The following OPN3 variants were observed in gnomAD, a reference collection of about 807,000 sequenced individuals.
The protein encoded by OPN3 is opsin 3, also known as opsin-3.
A neutral mutation model predicts 33.8 loss-of-function variants in OPN3; 29 were observed. The ratio of observed to expected loss-of-function variants is 0.86; its 90% CI spans 0.64 to 1.17. The LOEUF (loss-of-function observed/expected upper bound fraction) is 1.17, where lower values mean the gene tolerates loss of function less well. Ranked by LOEUF, OPN3 falls within the 50% of genes most tolerant of loss-of-function variation. OPN3 has a pLI of 0.00. For synonymous variants in OPN3, 216 were observed against 216.1 expected (o/e 1.00, Z 0.00); for missense variants, 437 against 514.1 (o/e 0.85, Z 1.45).
At chr1:241,614,304 C>T (rs1664068037) in intron 1 of OPN3, 1 of 144,840 alleles carries the variant, frequency 6.9e-6, no homozygotes, top group African/African-American at 2.9e-5. Context: ...GGCCAGTGAA[C>T]TACCAGAAGA....
At position 241,620,877 on chromosome 1, in the gene OPN3, C is replaced by T. The variant is rs145518211; in HGVS notation, c.374-16298G>A. On this transcript the variant is annotated intron_variant, in intron 1 of 3. Coordinates refer to ENST00000366554, the MANE Select transcript of OPN3 (RefSeq NM_014322.3). Reference sequence around the variant, plus strand: ...TAGACAGCATGACCCTAGAGAAACTCTGTGCATATTGGGCAGGAAGAAATG... The same window carrying T: ...TAGACAGCATGACCCTAGAGAAACTTTGTGCATATTGGGCAGGAAGAAATG... 6.8e-3 allele frequency among the ~76,000 whole-genome samples: 1,042 copies of T among 152,206 alleles called. 4 individuals are homozygous for T. Among genetic ancestry groups the T allele is most frequent in the Non-Finnish European group, 0.011 (754 of 68,008 alleles).
intron 1 of OPN3, among the ~76,000 whole-genome samples, chr1:241,625,896 C>T (rs1664408284): frequency 6.6e-6 from 1 of 152,182 alleles, no homozygotes; most frequent in East Asian, 1.9e-4. Context: ...TGTTGAACAA[C>T]ACCCCAGCCC....
At chr1:241,605,557 C>A (rs1663807364) in intron 1 of OPN3, among the ~76,000 whole-genome samples, 1 of 152,212 alleles carries the variant, frequency 6.6e-6, no homozygotes, top group Non-Finnish European at 1.5e-5. Context: ...ATGTGCCAGG[C>A]ACTGTGCAGT....
chr1:241,639,654 G>C (rs1343285536), intron 1 of OPN3, among the ~76,000 whole-genome samples: 2 of 151,170 alleles, frequency 1.3e-5, no homozygotes, highest in African/African-American at 2.4e-5. Context: ...TGGAGTCCTG[G>C]ACAGCGTGGG....
At chr1:241,626,133 T>C (rs540146573) in intron 1 of OPN3, among the ~76,000 whole-genome samples, 13 of 152,220 alleles carry the variant, frequency 8.5e-5, no homozygotes, top group Non-Finnish European at 1.9e-4. Context: ...TCTGTACTAA[T>C]AATACAAGAA....
rs1665081358 is a variant in OPN3, at chr1:241,640,347, G to A, written c.-93C>T. Reference sequence around the variant, plus strand: ...CACTGGGTGGGGTTGGGGCTCCGCCGCCTGCTCTAGCCATTGTGCACTGAG... The same window carrying A: ...CACTGGGTGGGGTTGGGGCTCCGCCACCTGCTCTAGCCATTGTGCACTGAG... On this transcript the variant is annotated 5_prime_UTR_variant, in exon 1 of 4. Transcript: ENST00000366554. 6 of 1,060,008 alleles carry A rather than the reference G, an allele frequency of 5.7e-6. No individual in the cohort carries two copies. The highest frequency in any genetic ancestry group is 6.8e-6 in the Non-Finnish European group (6 of 880,140). 65.7% of individuals were successfully genotyped at this position (1,060,008 alleles called of 1,614,324 possible). A position where few individuals can be genotyped will look rare whatever the true frequency, so the allele number is the denominator to read the frequency against.
At position 241,597,999 on chromosome 1, in the gene OPN3, T is replaced by C. The variant is rs1189074047; in HGVS notation, c.694-2A>G. The C allele has an allele frequency of 6.2e-7, 1 of 1,610,910 alleles. No individual in the cohort carries two copies. Among genetic ancestry groups the C allele is most frequent in the Non-Finnish European group, 8.5e-7 (1 of 1,178,980 alleles). On this transcript the variant is annotated splice_acceptor_variant, in intron 2 of 3. Coordinates refer to ENST00000366554, the MANE Select transcript of OPN3 (RefSeq NM_014322.3). LOFTEE classifies it high-confidence loss of function. ...CTGAAGATCTTCCACACAACGAAGC[T>C]GCAGAAAGGAGAAAGAAAGGAAAGG...
intron 2 of OPN3, among the ~76,000 whole-genome samples, chr1:241,598,629 C>T (rs1414297456): frequency 6.6e-6 from 1 of 152,174 alleles, no homozygotes; most frequent in African/African-American, 2.4e-5. Flanking sequence ...TCCTCTAAAA[C>T]CAGCCTGTCT....
intron 1 of OPN3, chr1:241,635,478 G>T: frequency 6.2e-7 from 1 of 1,613,832 alleles, no homozygotes; most frequent in South Asian, 1.1e-5. Context: ...TCTGTGTGTT[G>T]AATAGTTTCA....
chr1:241,601,876 G>T (rs1558437798), intron 2 of OPN3, among the ~76,000 whole-genome samples: 1 of 152,172 alleles, frequency 6.6e-6, no homozygotes, highest in Admixed American at 6.5e-5. Context: ...TAGGAATGAT[G>T]ACTATTCAAT....
chr1:241,634,151 T>C, intron 1 of OPN3: 1 of 1,613,568 alleles, frequency 6.2e-7, no homozygotes, highest in Non-Finnish European at 8.5e-7. Flanking sequence ...TTCTTCCTCG[T>C]TTATTTCTGT....
chr1:241,604,406 C>T lies in OPN3; in HGVS notation c.547G>A (p.Val183Ile), dbSNP rs2273712. 0.012 allele frequency: 18,749 copies of T among 1,614,204 alleles called. 278 individuals carry two copies. The highest frequency in any genetic ancestry group is 0.068 in the East Asian group (3,049 of 44,864). ...LLGWNRYILDVHGLGCTVDWK... is the reference protein window; with the variant it reads ...LLGWNRYILDIHGLGCTVDWK... ...TCCACAGTGCAGCCTAGTCCGTGTA[C>T]GTCCAGGATGTACCTGTTCCATCCC... The change falls in exon 2 of 4, where the codon GTA (valine) becomes ATA (isoleucine). Residue 183 changes from valine to isoleucine, a missense_variant. Coordinates refer to ENST00000366554, the MANE Select transcript of OPN3 (RefSeq NM_014322.3).
At chr1:241,633,716 A>T in intron 1 of OPN3, 1 of 1,447,558 alleles carries the variant, frequency 6.9e-7, no homozygotes, top group Non-Finnish European at 9.5e-7. Context: ...CTAATTACTC[A>T]TATGGGAAAC....
In OPN3 at chr1:241,594,172, A is replaced by G. The variant is rs138931305; in HGVS notation, c.*256T>C. 11 of 426,520 alleles carry G rather than the reference A, an allele frequency of 2.6e-5. No homozygotes were observed. The highest frequency in any genetic ancestry group is 3.7e-5 in the Non-Finnish European group (9 of 241,924). 26.4% of individuals were successfully genotyped at this position (426,520 alleles called of 1,614,324 possible). On this transcript the variant is annotated 3_prime_UTR_variant, in exon 4 of 4. Coordinates refer to ENST00000366554, the MANE Select transcript of OPN3 (RefSeq NM_014322.3). ...GAAATGAAAATCTCCAACACATTAG[A>G]AGATGATGATGTTAGATGCCCATCG...
At chr1:241,627,048 T>C (rs768754813) in intron 1 of OPN3, among the ~76,000 whole-genome samples, 3 of 152,138 alleles carry the variant, frequency 2.0e-5, no homozygotes, top group Non-Finnish European at 4.4e-5. Context: ...CAGAGTGTAT[T>C]AGAATTAAAT....
chr1:241,618,322 G>A (rs1052353584), intron 1 of OPN3, among the ~76,000 whole-genome samples: 18 of 152,222 alleles, frequency 1.2e-4, no homozygotes, highest in Non-Finnish European at 2.5e-4. Context: ...GGTTTAAAAT[G>A]CTGATTCCTA....
chr1:241,620,106 G>A (rs684377), intron 1 of OPN3, among the ~76,000 whole-genome samples: 4,579 of 151,738 alleles, frequency 0.03, 253 homozygotes, highest in African/African-American at 0.11. Flanking sequence ...AGGGTTGGGG[G>A]TGGGGGTGTT....
chr1:241,597,875 G>GC lies in OPN3; in HGVS notation c.815_816insG (p.Ile272MetfsTer9). 1 of 1,613,734 alleles carries GC rather than the reference G, an allele frequency of 6.2e-7. No homozygotes were observed. The highest frequency in any genetic ancestry group is 1.3e-5 in the African/African-American group (1 of 74,810). ...CATTAACCACCAAGAAGCAGATCAC[G>GC]ATATAAGGCATCCAACAGACCAGGA... On this transcript the variant is annotated frameshift_variant, in exon 3 of 4. Coordinates refer to ENST00000366554, the MANE Select transcript of OPN3 (RefSeq NM_014322.3). LOFTEE classifies it high-confidence loss of function.
At position 241,602,738 on chromosome 1, in the gene OPN3, C is replaced by T. The variant is rs371269232; in HGVS notation, c.693+1522G>A. On this transcript the variant is annotated intron_variant, in intron 2 of 3. Transcript: ENST00000366554. ...ATCCCCTAATCCCATCAGACCAGAG[C>T]CCCATCCTCATGACCTCCTCTGACC... Among the ~76,000 whole-genome samples the T allele has an allele frequency of 2.9e-4, 44 of 152,264 alleles. No individual in the cohort carries two copies. The South Asian group carries it at 8.5e-3, about 29-fold the overall frequency.
Sources: allele counts gnomAD v4.1 joint callset (sites outside exome capture counted in the v4.1 genomes callset), GRCh38; gene constraint gnomAD v4.1.1; transcripts MANE v1.5; gene names NCBI Gene and HGNC (gene_info 2026-07-23, HGNC 2026-07-21).